BBS9: variants seen among roughly 807,000 people sequenced by gnomAD.
BBS9 encodes the protein Bardet-Biedl syndrome 9, also known as protein PTHB1.
Under a neutral mutation model 117.7 loss-of-function variants are expected in BBS9, and 89 were observed. The observed-to-expected ratio is 0.76, with a 90% CI of 0.64 to 0.90. BBS9 has a LOEUF of 0.90. Among genes scored for constraint, BBS9 ranks in the 40% least tolerant of loss-of-function variants. BBS9 has a pLI of 0.00. For synonymous variants in BBS9, 379 were observed against 370.9 expected, an observed-to-expected ratio of 1.02 and a Z score of -0.25; for missense variants, 982 against 1,042.2, an observed-to-expected ratio of 0.94 and a Z score of 0.80.
At chr7:33,337,181 A>G (rs918375236) in intron 10 of BBS9, among the ~76,000 whole-genome samples, 4 of 152,158 alleles carry the variant, frequency 2.6e-5, no homozygotes, top group Non-Finnish European at 5.9e-5. Flanking sequence ...CGAGTTTTGA[A>G]TAACTCAATA....
chr7:33,253,919 C>T (rs1359570820), intron 5 of BBS9, among the ~76,000 whole-genome samples: 2 of 152,140 alleles, frequency 1.3e-5, no homozygotes, highest in African/African-American at 4.8e-5. Context: ...GGCCATGTGT[C>T]TAGTGATAAT....
chr7:33,565,821 ATATATACCGCTATATATACTGCT>A (rs1328452916), intron 21 of BBS9, among the ~76,000 whole-genome samples: 14 of 54,548 alleles, frequency 2.6e-4, no homozygotes, highest in African/African-American at 1.5e-3. Context: ...ATATATATAT[ATATATACCGCTATATATACTGCT>A]TATATATATA....
intron 9 of BBS9, among the ~76,000 whole-genome samples, chr7:33,287,767 TTGTG>T (rs1227517380): frequency 6.6e-6 from 1 of 152,194 alleles, no homozygotes; most frequent in Non-Finnish European, 1.5e-5. Flanking sequence ...ATATAATGTT[TTGTG>T]TGTGTAATAT....
intron 1 of BBS9, among the ~76,000 whole-genome samples, chr7:33,130,966 T>G (rs1044670345): frequency 3.9e-5 from 6 of 152,196 alleles, no homozygotes; most frequent in Non-Finnish European, 7.3e-5. Context: ...TTTAAAACTT[T>G]TACACCTTTT....
chr7:33,381,559 A>G (rs994293412), intron 17 of BBS9, among the ~76,000 whole-genome samples: 1 of 150,396 alleles, frequency 6.6e-6, no homozygotes, highest in Non-Finnish European at 1.5e-5. Flanking sequence ...TCTCCCATCT[A>G]CCTCTCTACC....
intron 21 of BBS9, among the ~76,000 whole-genome samples, chr7:33,586,932 A>T (rs753149290): frequency 3.9e-5 from 6 of 152,012 alleles, no homozygotes; most frequent in Non-Finnish European, 8.8e-5. Context: ...AATAAAAGCT[A>T]CCTGTTGGGT....
At position 33,280,650 on chromosome 7, in the gene BBS9, T is replaced by A. The variant is rs150981545; in HGVS notation, c.1016+6694T>A. Among the ~76,000 whole-genome samples the A allele has an allele frequency of 8.9e-3, 1,356 of 152,280 alleles. 16 individuals carry two copies. The highest frequency in any genetic ancestry group is 0.031 in the African/African-American group (1,297 of 41,562). ...TACTTTTGCATATCACACTGAATAATCAGTGAGAAAGATGAACATATGATA... is the reference window on the plus strand; with the variant it reads ...TACTTTTGCATATCACACTGAATAAACAGTGAGAAAGATGAACATATGATA... On this transcript the variant is annotated intron_variant, in intron 9 of 22. Transcript: ENST00000242067.
chr7:33,603,571 A>G (rs1864129259), intron 21 of BBS9, among the ~76,000 whole-genome samples: 2 of 152,128 alleles, frequency 1.3e-5, no homozygotes, highest in African/African-American at 4.8e-5. Flanking sequence ...TAAGTGAGAT[A>G]ATATGGGCAA....
intron 5 of BBS9, among the ~76,000 whole-genome samples, chr7:33,211,868 T>A (rs911405980): frequency 6.6e-6 from 1 of 151,044 alleles, no homozygotes; most frequent in Non-Finnish European, 1.5e-5. Context: ...GGTTTTTCTT[T>A]CCTTCAACAC....
Position 33,466,946 on chromosome 7 carries a change from C to G in BBS9, c.2116-38517C>G, listed in dbSNP as rs367774283. Among the ~76,000 whole-genome samples the G allele has an allele frequency of 1.8e-4, 28 of 152,026 alleles. No homozygotes were observed. In the East Asian group the frequency reaches 5.0e-3, roughly 27 times the overall value. Reference sequence around the variant, plus strand: ...GTGAGCCGGTTTCTGATGTAGCTTCCCAAGTATCAGGACCCCTTCCTCCCA... The same window carrying G: ...GTGAGCCGGTTTCTGATGTAGCTTCGCAAGTATCAGGACCCCTTCCTCCCA... On this transcript the variant is annotated intron_variant, in intron 19 of 22. Transcript: ENST00000242067.
At chr7:33,261,509 C>T (rs1430709667) in intron 6 of BBS9, among the ~76,000 whole-genome samples, 1 of 152,168 alleles carries the variant, frequency 6.6e-6, no homozygotes, top group Admixed American at 6.5e-5. Context: ...CATAATAATG[C>T]TCTGTGTCTC....
intron 17 of BBS9, among the ~76,000 whole-genome samples, chr7:33,369,618 G>T (rs1822476796): frequency 6.6e-6 from 1 of 152,154 alleles, no homozygotes; most frequent in South Asian, 2.1e-4. Flanking sequence ...ATTCTATGAT[G>T]GTTTTTGGCT....
At position 33,577,788 on chromosome 7, in the gene BBS9, C is replaced by G. The variant is rs550199183; in HGVS notation, c.2522-27077C>G. On this transcript the variant is annotated intron_variant, in intron 21 of 22. Coordinates refer to ENST00000242067, the MANE Select transcript of BBS9 (RefSeq NM_198428.3). ...GAAGCTGGAAACCATCATTCTCAGC[C>G]AACTGTCACAAGGACAGAAAACCAA... Among the ~76,000 whole-genome samples the G allele has an allele frequency of 1.1e-3, 169 of 152,174 alleles. 2 individuals are homozygous for G. The highest frequency in any genetic ancestry group is 4.0e-3 in the African/African-American group (166 of 41,548).
intron 19 of BBS9, among the ~76,000 whole-genome samples, chr7:33,417,148 A>G (rs944497928): frequency 5.9e-5 from 9 of 152,060 alleles, no homozygotes; most frequent in African/African-American, 2.2e-4. Flanking sequence ...GTTGTTTTAA[A>G]CTTTTATTGT....
chr7:33,344,708 C>A, intron 12 of BBS9, 74 bp downstream of exon 12: 2 of 1,428,330 alleles, frequency 1.4e-6, no homozygotes, highest in Non-Finnish European at 2.0e-6. Flanking sequence ...CTGTTGAGAA[C>A]TTGTAAGTAG....
intron 21 of BBS9, among the ~76,000 whole-genome samples, chr7:33,631,728 T>G (rs1865898141): frequency 6.6e-6 from 1 of 152,084 alleles, no homozygotes; most frequent in Non-Finnish European, 1.5e-5. Context: ...CAATTTCAGA[T>G]GGTAAGGAAA....
chr7:33,432,410 AT>A (rs201895868), intron 19 of BBS9, among the ~76,000 whole-genome samples: 1 of 151,054 alleles, frequency 6.6e-6, no homozygotes, highest in African/African-American at 2.4e-5. Context: ...CGCCCAGCTG[AT>A]TTTTTTTCTT....
chr7:33,236,851 A>G (rs1793615456), intron 5 of BBS9, among the ~76,000 whole-genome samples: 1 of 152,118 alleles, frequency 6.6e-6, no homozygotes, highest in African/African-American at 2.4e-5. Context: ...GTCACTGCGC[A>G]GTACAATAGA....
chr7:33,601,824 T>C lies in BBS9; in HGVS notation c.2522-3041T>C, dbSNP rs1863841363. Reference sequence around the variant, plus strand: ...CACAGCCCCTTGATCTCCCAGTGTCTTGACTTCTGCCTGCACATCATCCTA... The same window carrying C: ...CACAGCCCCTTGATCTCCCAGTGTCCTGACTTCTGCCTGCACATCATCCTA... On this transcript the variant is annotated intron_variant, in intron 21 of 22. Transcript: ENST00000242067. Among the ~76,000 whole-genome samples the C allele has an allele frequency of 1.3e-5, 2 of 152,198 alleles. 1 individual carries two copies. Among genetic ancestry groups the C allele is most frequent in the South Asian group, 4.1e-4 (2 of 4,834 alleles).
Sources: allele counts gnomAD v4.1 joint callset (sites outside exome capture counted in the v4.1 genomes callset), GRCh38; gene constraint gnomAD v4.1.1; transcripts MANE v1.5; gene names NCBI Gene and HGNC (gene_info 2026-07-23, HGNC 2026-07-21).